CACNB4: variants seen among roughly 807,000 people sequenced by gnomAD.
The protein encoded by CACNB4 is voltage-dependent L-type calcium channel subunit beta-4.
A neutral mutation model predicts 71.2 loss-of-function variants in CACNB4; 32 were observed. That is an observed-to-expected ratio of 0.45 (90% confidence interval 0.34 to 0.60). The LOEUF (loss-of-function observed/expected upper bound fraction) is 0.60, where lower values mean the gene tolerates loss of function less well. Ranked by LOEUF, CACNB4 falls within the 20% of genes least tolerant of loss-of-function variation. The pLI, the probability that CACNB4 is intolerant of heterozygous loss-of-function variation, is 0.01. For missense variants in CACNB4, 464 were observed against 647.9 expected (o/e 0.72, Z 3.08); for synonymous variants, 231 against 236.9 (o/e 0.97, Z 0.23).
chr2:151,988,281 C>T (rs952855638), intron 2 of CACNB4, among the ~76,000 whole-genome samples: 6 of 152,158 alleles, frequency 3.9e-5, no homozygotes, highest in African/African-American at 1.4e-4. Flanking sequence ...ATTTCTCTCT[C>T]AGTTGTTCAT....
intron 2 of CACNB4, among the ~76,000 whole-genome samples, chr2:152,009,703 G>A (rs1166624684): frequency 1.3e-5 from 2 of 152,174 alleles, no homozygotes; most frequent in South Asian, 2.1e-4. Flanking sequence ...CAATGCACGG[G>A]TGCCTCCAGG....
intron 2 of CACNB4, among the ~76,000 whole-genome samples, chr2:151,962,644 C>T (rs1411960811): frequency 6.6e-6 from 1 of 152,236 alleles, no homozygotes; most frequent in Non-Finnish European, 1.5e-5. Context: ...CATGAGAACA[C>T]TAACATTTCC....
chr2:151,965,041 TC>T (rs2099870714), intron 2 of CACNB4, among the ~76,000 whole-genome samples: 1 of 152,224 alleles, frequency 6.6e-6, no homozygotes, highest in Non-Finnish European at 1.5e-5. Context: ...ATCAACAGGT[TC>T]TTAATTCTAT....
intron 2 of CACNB4, among the ~76,000 whole-genome samples, chr2:151,981,163 A>G (rs2151749294): frequency 6.6e-6 from 1 of 152,340 alleles, no homozygotes; most frequent in Non-Finnish European, 1.5e-5. Flanking sequence ...GAATCACATA[A>G]TAGTGTAATT....
At chr2:151,991,908 G>A (rs1453581379) in intron 2 of CACNB4, among the ~76,000 whole-genome samples, 3 of 152,162 alleles carry the variant, frequency 2.0e-5, no homozygotes, top group Non-Finnish European at 4.4e-5. Flanking sequence ...AAACAAAAGA[G>A]CGAATCCAGG....
At chr2:152,091,943 C>T (rs1687995040) in intron 2 of CACNB4, among the ~76,000 whole-genome samples, 2 of 152,202 alleles carry the variant, frequency 1.3e-5, no homozygotes, top group Non-Finnish European at 2.9e-5. Flanking sequence ...TTCTTCACAG[C>T]AACCACGCAG....
chr2:151,890,790 C>T (rs1390625435), intron 2 of CACNB4, among the ~76,000 whole-genome samples: 1 of 152,184 alleles, frequency 6.6e-6, no homozygotes, highest in Non-Finnish European at 1.5e-5. Context: ...GACATGTTCA[C>T]TATTTCTGCA....
At chr2:151,977,767 C>G (rs979710619) in intron 2 of CACNB4, among the ~76,000 whole-genome samples, 1 of 152,158 alleles carries the variant, frequency 6.6e-6, no homozygotes, top group Non-Finnish European at 1.5e-5. Context: ...GTTATGCGTT[C>G]TATAGCAGAA....
At chr2:151,999,230 T>G (rs1367774715) in intron 2 of CACNB4, among the ~76,000 whole-genome samples, 2 of 152,180 alleles carry the variant, frequency 1.3e-5, no homozygotes, top group African/African-American at 4.8e-5. Flanking sequence ...GTGCTCCCCT[T>G]GGACAGTTCA....
intron 2 of CACNB4, among the ~76,000 whole-genome samples, chr2:152,037,999 G>A (rs536033914): frequency 1.1e-4 from 17 of 152,304 alleles, no homozygotes; most frequent in African/African-American, 1.4e-4. Context: ...GTGACAAAAC[G>A]CAGGGCCCAG....
intron 2 of CACNB4, among the ~76,000 whole-genome samples, chr2:152,091,662 G>GGTTGT (rs1446595705): frequency 6.6e-6 from 1 of 152,010 alleles, no homozygotes; most frequent in Admixed American, 6.6e-5. Flanking sequence ...AAACGTAACT[G>GGTTGT]GTTGTGCCCC....
chr2:151,888,941 G>T (rs961607557), intron 2 of CACNB4, among the ~76,000 whole-genome samples: 3 of 152,202 alleles, frequency 2.0e-5, no homozygotes, highest in African/African-American at 7.2e-5. Flanking sequence ...GCAGCCACAA[G>T]CCACATGTGG....
At chr2:152,012,213 T>A (rs1683095266) in intron 2 of CACNB4, among the ~76,000 whole-genome samples, 1 of 151,980 alleles carries the variant, frequency 6.6e-6, no homozygotes. Flanking sequence ...TTACTGCCCC[T>A]GAGATCCTTC....
rs2099845895 is a variant in CACNB4 at position 151,875,677 on chromosome 2, CCCCCCA to C, written c.521+743_521+748del. ...GCGGCTGGCCGGGTGGGGGGCTGACCCCCCCACCTCCCTCCCGGACGGGCGGCTGGC... is the reference window on the plus strand; with the variant it reads ...GCGGCTGGCCGGGTGGGGGGCTGACCCCTCCCTCCCGGACGGGCGGCTGGC... On this transcript the variant is annotated intron_variant, in intron 5 of 13. Coordinates refer to ENST00000539935, the MANE Select transcript of CACNB4 (RefSeq NM_000726.5). 2.2e-4 allele frequency among the ~76,000 whole-genome samples: 11 copies of C among 49,124 alleles called. No individual in the cohort carries two copies. In the East Asian group the frequency reaches 6.6e-3, roughly 30 times the overall value. 32.2% of individuals were successfully genotyped at this position (49,124 alleles called of 152,430 possible).
intron 2 of CACNB4, among the ~76,000 whole-genome samples, chr2:152,030,073 T>C (rs76966619): frequency 1.3e-5 from 2 of 152,190 alleles, no homozygotes; most frequent in African/African-American, 4.8e-5. Context: ...AAGCCTCATT[T>C]TCTTTTTGAG....
chr2:151,925,277 C>G (rs2099859952), intron 2 of CACNB4, among the ~76,000 whole-genome samples: 1 of 152,190 alleles, frequency 6.6e-6, no homozygotes, highest in Non-Finnish European at 1.5e-5. Context: ...TTAGCTAACA[C>G]ATTTTGTATT....
Position 152,035,651 on chromosome 2 carries a change from C to CTCTCTATATATA in CACNB4, c.147+62678_147+62679insTATATATAGAGA, listed in dbSNP as rs796161186. On this transcript the variant is annotated intron_variant, in intron 2 of 13. Coordinates refer to ENST00000539935, the MANE Select transcript of CACNB4 (RefSeq NM_000726.5). The stretch of plus-strand genomic sequence containing the variant: ...TCTCCCTCTCTCTCTCTCTCTCTCT[C>CTCTCTATATATA]TATATATATATATATATGTATGTAT... Among the ~76,000 whole-genome samples the CTCTCTATATATA allele has an allele frequency of 8.8e-4, 104 of 118,068 alleles. 2 individuals carry two copies. The highest frequency in any genetic ancestry group is 4.3e-3 in the Middle Eastern group (1 of 230). 77.5% of individuals were successfully genotyped at this position (118,068 alleles called of 152,430 possible).
At chr2:151,922,763 G>C (rs1437986666) in intron 2 of CACNB4, among the ~76,000 whole-genome samples, 2 of 152,226 alleles carry the variant, frequency 1.3e-5, no homozygotes, top group African/African-American at 4.8e-5. Flanking sequence ...GTGGACTCCA[G>C]CAGCTGGTAA....
At chr2:152,023,310 C>T (rs960764438) in intron 2 of CACNB4, among the ~76,000 whole-genome samples, 2 of 151,972 alleles carry the variant, frequency 1.3e-5, no homozygotes, top group African/African-American at 2.4e-5. Context: ...GATTACAATT[C>T]GAGATGAGAT....
Sources: gnomAD v4.1 joint callset for allele counts (sites outside exome capture counted in the v4.1 genomes callset) on GRCh38, gnomAD v4.1.1 for gene constraint, MANE v1.5 for transcripts, NCBI Gene and HGNC (gene_info 2026-07-23, HGNC 2026-07-21) for gene names.